C15orf40: variants seen among roughly 807,000 people sequenced by gnomAD.
The protein encoded by C15orf40 is UPF0235 protein C15orf40.
In C15orf40, 9 loss-of-function variants were observed where a neutral mutation model predicts 13.9. The ratio of observed to expected loss-of-function variants is 0.65; its 90% CI spans 0.39 to 1.13. The LOEUF (loss-of-function observed/expected upper bound fraction) is 1.13. Among genes scored for constraint, C15orf40 ranks in the 50% most tolerant of loss-of-function variants. The pLI, the probability that C15orf40 is intolerant of heterozygous loss-of-function variation, is 0.01. For synonymous variants in C15orf40, 95 were observed against 69.2 expected (o/e 1.37, Z -1.85); for missense variants, 225 against 188.5 (o/e 1.19, Z -1.13).
rs762109715 is a variant in C15orf40, at chr15:83,008,442, C to G, written c.366+106G>C. 16 of 1,172,640 alleles carry G rather than the reference C, an allele frequency of 1.4e-5. No individual in the cohort carries two copies. In the South Asian group the frequency reaches 2.0e-4, roughly 15 times the overall value. The allele number at this position is 1,172,640 out of a possible 1,614,324, so 72.6% of individuals were successfully genotyped here. On this transcript the variant is annotated intron_variant, in intron 3 of 3. Transcript: ENST00000304177. ...GCTGAGGCAGGAGAATAGCTTGAAC[C>G]CAGGAGGTGGAGGTTGCAGTGAGCC...
downstream of C15orf40, chr15:82,990,996 G>T: frequency 5.2e-6 from 1 of 193,514 alleles, no homozygotes; most frequent in Non-Finnish European, 1.0e-5. Context: ...TCACTTTAAT[G>T]ATTATTACAA....
At chr15:83,008,277 GGGA>G (rs1411822343) in intron 3 of C15orf40, 2 of 371,196 alleles carry the variant, frequency 5.4e-6, no homozygotes, top group Admixed American at 3.9e-5. Context: ...CCAGCGCTTC[GGGA>G]GGAGAAGGCA....
At chr15:82,988,986 G>T, downstream of C15orf40, 2 of 1,551,428 alleles carry the variant, frequency 1.3e-6, no homozygotes, top group Non-Finnish European at 1.7e-6. Context: ...TTTTTTTAAT[G>T]GAAATGTCTT....
intron 2 of C15orf40, among the ~76,000 whole-genome samples, chr15:83,010,021 T>C (rs1176059764): frequency 2.0e-5 from 3 of 152,170 alleles, no homozygotes; most frequent in African/African-American, 4.8e-5. Flanking sequence ...AAGAGGAAAA[T>C]ATACAATGGT....
At chr15:82,992,821 G>A (rs1271605274), downstream of C15orf40, among the ~76,000 whole-genome samples, 1 of 152,040 alleles carries the variant, frequency 6.6e-6, no homozygotes, top group Admixed American at 6.5e-5. Flanking sequence ...AGTAAATTCT[G>A]CATGCTGCAT....
chr15:82,989,826 A>G, downstream of C15orf40: 5 of 1,594,624 alleles, frequency 3.1e-6, no homozygotes, highest in South Asian at 2.2e-5. Flanking sequence ...TGGGTTTGTC[A>G]TATGTTTTTT....
At chr15:83,010,839 G>A (rs1596414202) in intron 1 of C15orf40, 1 of 160,012 alleles carries the variant, frequency 6.2e-6, no homozygotes. Context: ...CAAATATGTA[G>A]GCAATGGATA....
Position 83,005,301 on chromosome 15 carries a change from G to T in C15orf40, c.*296C>A. On this transcript the variant is annotated 3_prime_UTR_variant, in exon 4 of 4. Coordinates refer to ENST00000304177, the MANE Select transcript of C15orf40 (RefSeq NM_144597.3). The stretch of plus-strand genomic sequence containing the variant: ...GTATTTTTTATTTCTTTTTTTTCGG[G>T]GGGAGAGAGTTTCACTCTTGTTGCC... The T allele has an allele frequency of 1.6e-5, 16 of 988,032 alleles. No individual in the cohort carries two copies. The highest frequency in any genetic ancestry group is 1.9e-5 in the Non-Finnish European group (16 of 820,722). 61.2% of individuals were successfully genotyped at this position (988,032 alleles called of 1,614,324 possible).
chr15:83,004,793 A>AT lies in C15orf40; in HGVS notation c.*803dup, dbSNP rs2031586061. On this transcript the variant is annotated 3_prime_UTR_variant, in exon 4 of 4. Transcript: ENST00000304177. ...ATCTAAGGTAAGACTACAAAGCAGC[A>AT]TAACAGGTTTTCTGTCACTTGTAAA... is the stretch of plus-strand genomic sequence containing the variant. 13 of 1,172,948 alleles carry AT rather than the reference A, an allele frequency of 1.1e-5. No homozygotes were observed. The highest frequency in any genetic ancestry group is 3.6e-5 in the South Asian group (2 of 55,036). 72.7% of individuals were successfully genotyped at this position (1,172,948 alleles called of 1,614,324 possible). A position where few individuals can be genotyped will look rare whatever the true frequency, so the allele number is the denominator to read the frequency against.
chr15:83,011,153 C>A, intron 1 of C15orf40: 1 of 238,932 alleles, frequency 4.2e-6, no homozygotes, highest in Non-Finnish European at 8.1e-6. Flanking sequence ...CAGAATACAG[C>A]CTCCTGGGGA....
intron 3 of C15orf40, chr15:83,008,166 T>C (rs1218363314): frequency 1.9e-5 from 4 of 215,748 alleles, no homozygotes; most frequent in Non-Finnish European, 3.7e-5. Flanking sequence ...CACTCCAGGC[T>C]GGACAACAGA....
rs1181564819 is a variant in C15orf40, at chr15:82,999,584, C to G, written c.*6013G>C. The G allele has an allele frequency of 6.6e-6, 1 of 152,194 alleles. No individual in the cohort carries two copies. Among genetic ancestry groups the G allele is most frequent in the Non-Finnish European group, 1.5e-5 (1 of 68,062 alleles). The allele number at this position is 152,194 out of a possible 1,614,324, so 9.4% of individuals were successfully genotyped here. ...AGCAGCTATCACGTGTACATGCCAC[C>G]CAGTACGGCTGTAGAAGAGAACTAA... On this transcript the variant is annotated 3_prime_UTR_variant, in exon 4 of 4. Coordinates refer to ENST00000304177, the MANE Select transcript of C15orf40 (RefSeq NM_144597.3).
At chr15:83,010,096 G>T (rs2031910168) in intron 2 of C15orf40, 141 bp downstream of exon 2, 1 of 1,183,042 alleles carries the variant, frequency 8.5e-7, no homozygotes, top group Non-Finnish European at 1.2e-6. Flanking sequence ...TTAGAATCTA[G>T]AATTTTAAAA....
rs2031419711 is a variant in C15orf40 at position 83,001,590 on chromosome 15, T to A, written c.*4007A>T. On this transcript the variant is annotated 3_prime_UTR_variant, in exon 4 of 4. Transcript: ENST00000304177. ...AGTGAGCAAAGCTAGAACCATGTCA[T>A]TAGACAAATGTTACGGAGGCTGAAT... is the stretch of plus-strand genomic sequence containing the variant. 4 of 152,266 alleles carry A rather than the reference T, an allele frequency of 2.6e-5. No homozygotes were observed. The South Asian group carries it at 6.2e-4, about 24-fold the overall frequency. The allele number at this position is 152,266 out of a possible 1,614,324, so 9.4% of individuals were successfully genotyped here.
In C15orf40 at chr15:83,011,578, G is replaced by T; in HGVS notation, c.30C>A (p.His10Gln). The change falls in exon 1 of 4, where the codon CAC (histidine) becomes CAA (glutamine). Residue 10 changes from histidine (H) to glutamine (Q), a missense_variant. Physicochemically the swap from His to Gln is conservative, Grantham distance 24 (BLOSUM62 0). Coordinates refer to ENST00000304177, the MANE Select transcript of C15orf40 (RefSeq NM_144597.3). ...CCCGAGTATTGGGTGTTGCCCGAAG[G>T]TGCCTCAGCCCGCTGCGGAGCCGCA... MLRLRSGLR[H>Q]LRATPNTRGS... The T allele has an allele frequency of 1.2e-6, 2 of 1,600,794 alleles. No individual in the cohort carries two copies. Among genetic ancestry groups the T allele is most frequent in the Non-Finnish European group, 8.5e-7 (1 of 1,176,804 alleles).
Position 82,997,744 on chromosome 15 carries a change from G to C in C15orf40, c.*7853C>G, listed in dbSNP as rs941929602. The C allele has an allele frequency of 6.7e-6, 1 of 149,226 alleles. No homozygotes were observed. Among genetic ancestry groups the C allele is most frequent in the African/African-American group, 2.8e-5 (1 of 36,110 alleles). The allele number at this position is 149,226 out of a possible 1,614,324, so 9.2% of individuals were successfully genotyped here. A position where few individuals can be genotyped will look rare whatever the true frequency, so the allele number is the denominator to read the frequency against. On this transcript the variant is annotated 3_prime_UTR_variant, in exon 4 of 4. Transcript: ENST00000304177. The stretch of plus-strand genomic sequence containing the variant: ...ACACCTCCCAGACGGGGTGGTGGCC[G>C]GGCAGAGGGGCTCCTCACTTCCCAG...
chr15:83,005,807 T>C (rs2031647113), intron 3 of C15orf40, 115 bp from the exon 4 acceptor site: 1 of 1,380,872 alleles, frequency 7.2e-7, no homozygotes, highest in Non-Finnish European at 9.5e-7. Flanking sequence ...TGGTTACTTC[T>C]GGTCTAACCA....
chr15:83,007,168 CT>C (rs1198202932), intron 3 of C15orf40, among the ~76,000 whole-genome samples: 2 of 152,210 alleles, frequency 1.3e-5, no homozygotes, highest in African/African-American at 4.8e-5. Flanking sequence ...ATCTCCACCC[CT>C]AGTGCAAAAC....
In C15orf40 at chr15:83,005,477, T is replaced by C. The variant is rs188393349; in HGVS notation, c.*120A>G. The C allele has an allele frequency of 1.5e-5, 13 of 895,700 alleles. 1 individual carries two copies. Among genetic ancestry groups the C allele is most frequent in the African/African-American group, 1.1e-4 (6 of 57,140 alleles). 55.5% of individuals were successfully genotyped at this position (895,700 alleles called of 1,614,324 possible). On this transcript the variant is annotated 3_prime_UTR_variant, in exon 4 of 4. Coordinates refer to ENST00000304177, the MANE Select transcript of C15orf40 (RefSeq NM_144597.3). Reference sequence around the variant, plus strand: ...TTTTGTATTTTTCGTAGAGATGGGGTTTCACCATGTTGGTCAGGCTGGTCT... The same window carrying C: ...TTTTGTATTTTTCGTAGAGATGGGGCTTCACCATGTTGGTCAGGCTGGTCT...
Sources: gnomAD v4.1 joint callset for allele counts (sites outside exome capture counted in the v4.1 genomes callset) on GRCh38, gnomAD v4.1.1 for gene constraint, MANE v1.5 for transcripts, NCBI Gene and HGNC (gene_info 2026-07-23, HGNC 2026-07-21) for gene names.